Variants in KLF8 observed in about 807,000 individuals in gnomAD.
The protein encoded by KLF8 is Krueppel-like factor 8.
KLF8 carries 10 observed loss-of-function variants against 18.2 expected under a neutral mutation model. That is an observed-to-expected ratio of 0.55 (90% CI 0.34 to 0.93). The LOEUF (loss-of-function observed/expected upper bound fraction) is 0.93, where lower values mean the gene tolerates loss of function less well. Among genes scored for constraint, KLF8 ranks in the 40% least tolerant of loss-of-function variants. KLF8 has a pLI of 0.02. For missense variants in KLF8, 264 were observed against 277.9 expected, an observed-to-expected ratio of 0.95 and a Z score of 0.36; for synonymous variants, 109 against 97.3, an observed-to-expected ratio of 1.12 and a Z score of -0.71.
chrX:56,161,693 C>G, the KLF8 span, among the ~76,000 whole-genome samples: 1 of 111,406 alleles, frequency 9.0e-6, no homozygotes, highest in Admixed American at 9.6e-5. Context: ...AGGTTTTTGA[C>G]TTCTTCACGC....
chrX:56,104,147 C>T, the KLF8 span, among the ~76,000 whole-genome samples: 4 of 111,427 alleles, frequency 3.6e-5, no homozygotes, highest in Admixed American at 1.9e-4. Flanking sequence ...CATCAAGGTT[C>T]GTCAGGGATA....
the KLF8 span, among the ~76,000 whole-genome samples, chrX:56,021,503 T>C: frequency 9.0e-6 from 1 of 111,283 alleles, no homozygotes. Context: ...AGGGGTAGAA[T>C]TGCGGTGCAA....
chrX:56,095,001 A>G, the KLF8 span, among the ~76,000 whole-genome samples: 2 of 111,584 alleles, frequency 1.8e-5, no homozygotes, highest in Non-Finnish European at 3.8e-5. Flanking sequence ...AGGAAAAACA[A>G]TTGAAAAGTT....
the KLF8 span, among the ~76,000 whole-genome samples, chrX:56,141,626 G>A: frequency 1.8e-5 from 2 of 110,691 alleles, no homozygotes; most frequent in Non-Finnish European, 3.8e-5. Context: ...TTTTATCTGT[G>A]AATTTATGGT....
the KLF8 span, among the ~76,000 whole-genome samples, chrX:56,145,273 C>T: frequency 8.9e-6 from 1 of 111,900 alleles, no homozygotes; most frequent in Admixed American, 9.5e-5. Flanking sequence ...TAGTGTGATA[C>T]TACTTCACAC....
At chrX:56,023,824 A>G in the KLF8 span, among the ~76,000 whole-genome samples, 3 of 111,742 alleles carry the variant, frequency 2.7e-5, no homozygotes, top group Non-Finnish European at 5.6e-5. Context: ...AGACTTTTCA[A>G]TGGATGTAAA....
At chrX:56,061,388 G>T in the KLF8 span, among the ~76,000 whole-genome samples, 115 of 111,705 alleles carry the variant, frequency 1.0e-3, no homozygotes, top group Non-Finnish European at 1.8e-3. Flanking sequence ...TGGTTTCGAA[G>T]AACTTATTTA....
At chrX:56,107,670 T>G in the KLF8 span, among the ~76,000 whole-genome samples, 1 of 111,593 alleles carries the variant, frequency 9.0e-6, no homozygotes, top group Non-Finnish European at 1.9e-5. Context: ...TGACCCCTTG[T>G]GCTTCCCAGG....
intron 5 of KLF8, among the ~76,000 whole-genome samples, chrX:56,281,529 C>T (rs2067201104): frequency 9.0e-6 from 1 of 111,555 alleles, no homozygotes; most frequent in Non-Finnish European, 1.9e-5. Context: ...CATGCCTCAG[C>T]CTCCCAAGTA....
the KLF8 span, among the ~76,000 whole-genome samples, chrX:56,177,775 G>A: frequency 9.0e-6 from 1 of 111,532 alleles, no homozygotes; most frequent in Non-Finnish European, 1.9e-5. Flanking sequence ...CAGCCACTTT[G>A]TTTACCTACT....
the KLF8 span, among the ~76,000 whole-genome samples, chrX:56,096,893 C>T: frequency 2.7e-5 from 3 of 110,694 alleles, no homozygotes; most frequent in East Asian, 2.8e-4. Flanking sequence ...TTACTGAATT[C>T]GAGGGCATTA....
At chrX:56,039,443 A>G in the KLF8 span, among the ~76,000 whole-genome samples, 27 of 111,817 alleles carry the variant, frequency 2.4e-4, no homozygotes, top group Non-Finnish European at 4.3e-4. Flanking sequence ...GCCAGCACTC[A>G]CAGCACTAAT....
chrX:56,231,338 A>T (rs1210347101), upstream of KLF8, among the ~76,000 whole-genome samples: 1 of 111,923 alleles, frequency 8.9e-6, no homozygotes, highest in Non-Finnish European at 1.9e-5. Flanking sequence ...GTTCGAAAGT[A>T]CTGGGCTGAG....
At chrX:55,937,701 C>G in the KLF8 span, among the ~76,000 whole-genome samples, 1 of 112,278 alleles carries the variant, frequency 8.9e-6, no homozygotes, top group Non-Finnish European at 1.9e-5. Flanking sequence ...AACTGAAAAC[C>G]ATGGCATGAG....
chrX:55,989,289 A>G, the KLF8 span, among the ~76,000 whole-genome samples: 2 of 112,152 alleles, frequency 1.8e-5, no homozygotes, highest in Admixed American at 9.4e-5. Context: ...CCAGTTTTCA[A>G]AAGGAATGCT....
chrX:55,937,188 C>A, the KLF8 span, among the ~76,000 whole-genome samples: 3 of 111,002 alleles, frequency 2.7e-5, no homozygotes, highest in South Asian at 7.7e-4. Flanking sequence ...TCCAGAGGAA[C>A]GATCAGGCAG....
the KLF8 span, among the ~76,000 whole-genome samples, chrX:55,947,170 A>G: frequency 2.7e-5 from 3 of 111,229 alleles, no homozygotes; most frequent in Non-Finnish European, 5.7e-5. Flanking sequence ...TCATGCTGCT[A>G]TAAAGACACA....
chrX:56,184,587 C>A, the KLF8 span, among the ~76,000 whole-genome samples: 1 of 112,246 alleles, frequency 8.9e-6, no homozygotes, highest in South Asian at 3.7e-4. Context: ...GCGTCCCTGA[C>A]CCCGAACTCC....
chrX:55,970,039 C>T, the KLF8 span, among the ~76,000 whole-genome samples: 1 of 110,407 alleles, frequency 9.1e-6, no homozygotes, highest in Middle Eastern at 4.7e-3. Context: ...TGAAACTATT[C>T]CAGAAAATAA....
Sources: gnomAD v4.1 joint callset for allele counts (sites outside exome capture counted in the v4.1 genomes callset) on GRCh38, gnomAD v4.1.1 for gene constraint, MANE v1.5 for transcripts, NCBI Gene and HGNC (gene_info 2026-07-23, HGNC 2026-07-21) for gene names.